Variants in MCF2L observed in about 807,000 individuals in gnomAD.
MCF2L encodes guanine nucleotide exchange factor DBS.
A neutral mutation model predicts 153.4 loss-of-function variants in MCF2L; 97 were observed. The ratio of observed to expected loss-of-function variants is 0.63; its 90% CI spans 0.54 to 0.75. The LOEUF is 0.75. Ranked by LOEUF, MCF2L falls within the 30% of genes least tolerant of loss-of-function variation. The pLI is 0.00. For missense variants in MCF2L, 1,347 were observed against 1,495.2 expected (o/e 0.90, Z 1.64); for synonymous variants, 659 against 632.2 (o/e 1.04, Z -0.64).
At chr13:112,954,630 C>G (rs1566658691) in intron 2 of MCF2L, among the ~76,000 whole-genome samples, 1 of 152,230 alleles carries the variant, frequency 6.6e-6, no homozygotes, top group East Asian at 1.9e-4. Context: ...CTGACTGGCT[C>G]CCGAGGGGGC....
In MCF2L at chr13:113,027,123, T is replaced by C. The variant is rs1044201217; in HGVS notation, c.278+2365T>C. The stretch of plus-strand genomic sequence containing the variant: ...AGGTGGCAAAACACAGAGGAGATGT[T>C]TAACCATCAGCGTGAAAGTGCAGCC... On this transcript the variant is annotated intron_variant, in intron 3 of 29. Transcript: ENST00000535094. The surrounding 1 kb of genome is among the most constrained non-coding windows in gnomAD (Gnocchi z 4.8). The C allele has an allele frequency of 1.4e-6, 1 of 713,246 alleles. No homozygotes were observed. The highest frequency in any genetic ancestry group is 1.7e-5 in the African/African-American group (1 of 57,884). The allele number at this position is 713,246 out of a possible 1,614,324, so 44.2% of individuals were successfully genotyped here. A position where few individuals can be genotyped will look rare whatever the true frequency, so the allele number is the denominator to read the frequency against.
chr13:113,036,758 G>C (rs1379248722), intron 3 of MCF2L, among the ~76,000 whole-genome samples: 7 of 152,258 alleles, frequency 4.6e-5, no homozygotes, highest in Admixed American at 4.6e-4. Flanking sequence ...CCTGGCTGCT[G>C]CCAGTGGGTG....
chr13:112,979,539 C>T lies in MCF2L; in HGVS notation c.79+10081C>T. 2.0e-6 allele frequency: 3 copies of T among 1,514,226 alleles called. No homozygotes were observed. The South Asian group carries it at 3.8e-5, about 19-fold the overall frequency. The allele number at this position is 1,514,226 out of a possible 1,614,324, so 93.8% of individuals were successfully genotyped here. A position where few individuals can be genotyped will look rare whatever the true frequency, so the allele number is the denominator to read the frequency against. On this transcript the variant is annotated intron_variant, in intron 1 of 29. Transcript: ENST00000535094. Reference sequence around the variant, plus strand: ...GTCTCTTGTGACCATGCGGCACCCGCCCGGCTTTTAGCTGTCGCAGCAGAG... The same window carrying T: ...GTCTCTTGTGACCATGCGGCACCCGTCCGGCTTTTAGCTGTCGCAGCAGAG...
In MCF2L at chr13:112,904,822, C is replaced by T. The variant is rs754085428; in HGVS notation, c.169+2451C>T. Among the ~76,000 whole-genome samples the T allele has an allele frequency of 7.2e-5, 11 of 152,260 alleles. No homozygotes were observed. The highest frequency in any genetic ancestry group is 1.2e-4 in the Non-Finnish European group (8 of 68,048). On this transcript the variant is annotated intron_variant, in intron 2 of 29. Transcript: ENST00000375608. This position sits in a 1 kb window ranked among gnomAD's most constrained non-coding sequence, Gnocchi z 4.2. ...TGCTCCGTCTCCAGGTGACCTGGGG[C>T]CTTGGCAATGTCCTAGCCCAGCTGG...
chr13:112,998,005 C>T (rs966589602), intron 1 of MCF2L, among the ~76,000 whole-genome samples: 16 of 152,306 alleles, frequency 1.1e-4, no homozygotes, highest in Admixed American at 7.8e-4. Flanking sequence ...CTGTGCCCTG[C>T]GTGAGCCCAT....
intron 2 of MCF2L, among the ~76,000 whole-genome samples, chr13:112,912,718 C>A (rs2081245441): frequency 6.6e-6 from 1 of 151,980 alleles, no homozygotes; most frequent in Admixed American, 6.6e-5. Flanking sequence ...ATTTTATATC[C>A]TTCTTTTCTT....
chr13:113,044,537 T>C, intron 3 of MCF2L: 1 of 1,243,402 alleles, frequency 8.0e-7, no homozygotes, highest in Non-Finnish European at 1.1e-6. Context: ...GGCATGCCCG[T>C]GTGGTTGTTT....
intron 3 of MCF2L, among the ~76,000 whole-genome samples, chr13:113,033,396 TGTGAGTGGACCCCGTGGC>T (rs1566773589): frequency 2.0e-4 from 4 of 19,728 alleles, no homozygotes; most frequent in Admixed American, 5.1e-4. Flanking sequence ...GCCCCCGTGA[TGTGAGTGGACCCCGTGGC>T]GTGAGTGGCC....
intron 13 of MCF2L, 133 bp downstream of exon 13, chr13:113,077,344 G>T: frequency 1.8e-6 from 2 of 1,105,850 alleles, no homozygotes; most frequent in South Asian, 1.8e-5. Flanking sequence ...CCACCTCCGG[G>T]CCCCAGTTCA....
chr13:112,935,598 G>T (rs1376642202), intron 2 of MCF2L, among the ~76,000 whole-genome samples: 3 of 152,158 alleles, frequency 2.0e-5, no homozygotes. Context: ...AGATGATTTT[G>T]CCCAACCGTA....
intron 15 of MCF2L, among the ~76,000 whole-genome samples, chr13:113,080,717 C>CGATGCCAGACCCCCGCCCT (rs2034047163): frequency 6.6e-6 from 1 of 152,036 alleles, no homozygotes; most frequent in Non-Finnish European, 1.5e-5. Context: ...GGGGCAGCTC[C>CGATGCCAGACCCCCGCCCT]GGCGATGCCA....
At chr13:113,061,406 C>T (rs919702414) in intron 5 of MCF2L, among the ~76,000 whole-genome samples, 35 of 152,108 alleles carry the variant, frequency 2.3e-4, no homozygotes, top group Non-Finnish European at 3.7e-4. Flanking sequence ...GCTGCCTTGG[C>T]GAGCTCACAT....
At chr13:112,991,762 G>A (rs538301551) in intron 1 of MCF2L, among the ~76,000 whole-genome samples, 40 of 152,330 alleles carry the variant, frequency 2.6e-4, no homozygotes, top group Middle Eastern at 3.4e-3. Flanking sequence ...CTCAGAGCCA[G>A]GAGCCCTTCC....
intron 3 of MCF2L, chr13:113,044,449 C>T: frequency 1.9e-6 from 1 of 539,074 alleles, no homozygotes. Flanking sequence ...TTATCTCCAT[C>T]CTGCAGAATT....
chr13:113,024,768 C>T lies in MCF2L; in HGVS notation c.278+10C>T, dbSNP rs1566754758. 1 of 1,600,696 alleles carries T rather than the reference C, an allele frequency of 6.2e-7. No individual in the cohort carries two copies. Among genetic ancestry groups the T allele is most frequent in the Non-Finnish European group, 8.6e-7 (1 of 1,167,782 alleles). ...TCACCAGCATCCCCAGGTACGTGCA[C>T]CCAGAGCCCGGCAGACATTGTGGTT... On this transcript the variant is annotated intron_variant, in intron 3 of 29. Coordinates refer to ENST00000535094, the MANE Select transcript of MCF2L (RefSeq NM_001112732.3).
At chr13:112,897,047 A>C (rs142437166) in intron 1 of MCF2L, among the ~76,000 whole-genome samples, 3 of 152,234 alleles carry the variant, frequency 2.0e-5, no homozygotes, top group Non-Finnish European at 4.4e-5. Flanking sequence ...CCCAGCTCGG[A>C]GTGCGGGTGG....
At position 112,995,180 on chromosome 13, in the gene MCF2L, C is replaced by T. The variant is rs142962739; in HGVS notation, c.80-19583C>T. Among the ~76,000 whole-genome samples the T allele has an allele frequency of 4.6e-3, 696 of 152,346 alleles. 4 individuals carry two copies. The highest frequency in any genetic ancestry group is 0.016 in the African/African-American group (678 of 41,578). On this transcript the variant is annotated intron_variant, in intron 1 of 29. Coordinates refer to ENST00000535094, the MANE Select transcript of MCF2L (RefSeq NM_001112732.3). ...CTGTGCCCGTGCCCCGGGCTCCCCT[C>T]GTTTTACAGACTCGCTCACGGAGGC... is the stretch of plus-strand genomic sequence containing the variant.
At position 113,086,255 on chromosome 13, in the gene MCF2L, G is replaced by C. The variant is rs1328479031; in HGVS notation, c.2373+6G>C. On this transcript the variant is annotated splice_donor_region_variant and intron_variant, in intron 21 of 29. Transcript: ENST00000535094. Reference sequence around the variant, plus strand: ...TCGCTATCACCGGCTATGACGTAAGGCGCCCAGATGCCCGGTCTTCCCCGC... The same window carrying C: ...TCGCTATCACCGGCTATGACGTAAGCCGCCCAGATGCCCGGTCTTCCCCGC... 1 of 1,607,768 alleles carries C rather than the reference G, an allele frequency of 6.2e-7. No individual in the cohort carries two copies. Among genetic ancestry groups the C allele is most frequent in the African/African-American group, 1.3e-5 (1 of 74,490 alleles).
intron 1 of MCF2L, among the ~76,000 whole-genome samples, chr13:112,986,862 G>C (rs1020860963): frequency 6.6e-6 from 1 of 152,270 alleles, no homozygotes; most frequent in Non-Finnish European, 1.5e-5. Flanking sequence ...TGCCAGGGCC[G>C]TCTAGGGTTC....
Sources: allele counts gnomAD v4.1 joint callset (sites outside exome capture counted in the v4.1 genomes callset), GRCh38; gene constraint gnomAD v4.1.1; non-coding constraint Gnocchi (gnomAD v3.1); transcripts MANE v1.5; gene names NCBI Gene and HGNC (gene_info 2026-07-23, HGNC 2026-07-21).